The following CSMD1 variants were observed in gnomAD, a reference collection of about 807,000 sequenced individuals.
CSMD1 encodes the protein CUB and Sushi multiple domains 1.
CSMD1 carries 213 observed loss-of-function variants against 417.5 expected under a neutral mutation model. That is an observed-to-expected ratio of 0.51 (90% CI 0.46 to 0.57). The LOEUF (loss-of-function observed/expected upper bound fraction) is 0.57. Ranked by LOEUF, CSMD1 falls within the 20% of genes least tolerant of loss-of-function variation. The pLI, the probability that CSMD1 is intolerant of heterozygous loss-of-function variation, is 0.00. For missense variants in CSMD1, 6,923 were observed against 4,529.7 expected (o/e 1.53, Z -15.17); for synonymous variants, 2,862 against 1,736.8 (o/e 1.65, Z -16.11).
intron 7 of CSMD1, among the ~76,000 whole-genome samples, chr8:3,669,473 G>C (rs1798873874): frequency 6.6e-6 from 1 of 152,126 alleles, no homozygotes; most frequent in African/African-American, 2.4e-5. Flanking sequence ...TTCAACATCA[G>C]TAATTAGATA....
chr8:4,232,490 C>T (rs1004942667), intron 3 of CSMD1, among the ~76,000 whole-genome samples: 6 of 152,140 alleles, frequency 3.9e-5, no homozygotes, highest in African/African-American at 1.2e-4. Flanking sequence ...TGAGCAACTG[C>T]GCCCAGCCAC....
At chr8:4,086,722 C>G (rs1449491004) in intron 3 of CSMD1, among the ~76,000 whole-genome samples, 2 of 152,214 alleles carry the variant, frequency 1.3e-5, no homozygotes, top group Non-Finnish European at 2.9e-5. Flanking sequence ...AGATAGATGA[C>G]ATTGACAAGT....
intron 37 of CSMD1, among the ~76,000 whole-genome samples, chr8:3,180,863 T>C (rs928995287): frequency 6.6e-6 from 1 of 152,068 alleles, no homozygotes; most frequent in African/African-American, 2.4e-5. Flanking sequence ...AGCCTGGTCT[T>C]GAACACCTGA....
At chr8:3,002,863 T>C (rs1807534070) in intron 52 of CSMD1, among the ~76,000 whole-genome samples, 1 of 152,180 alleles carries the variant, frequency 6.6e-6, no homozygotes, top group Non-Finnish European at 1.5e-5. Context: ...TTCGGTTCTC[T>C]GAGGAATTGG....
intron 3 of CSMD1, among the ~76,000 whole-genome samples, chr8:4,093,397 T>C (rs987421507): frequency 6.6e-6 from 1 of 152,178 alleles, no homozygotes; most frequent in African/African-American, 2.4e-5. Flanking sequence ...GAAAGCCAAA[T>C]TGTTTAAAGC....
chr8:3,158,035 G>A, intron 38 of CSMD1, 69 bp from the exon 39 acceptor site: 5 of 1,207,714 alleles, frequency 4.1e-6, no homozygotes, highest in Non-Finnish European at 5.9e-6. Flanking sequence ...AAATGTTTGA[G>A]AATATCTGCA....
chr8:4,095,264 C>T (rs529682560), intron 3 of CSMD1, among the ~76,000 whole-genome samples: 312 of 152,190 alleles, frequency 2.1e-3, no homozygotes, highest in African/African-American at 7.3e-3. Context: ...GAGGTTCCTC[C>T]GAGGAGATTA....
chr8:3,522,935 A>G (rs1376930871), intron 10 of CSMD1, among the ~76,000 whole-genome samples: 1 of 150,654 alleles, frequency 6.6e-6, no homozygotes, highest in East Asian at 1.9e-4. Context: ...ATATATTTAT[A>G]TATTGACAAA....
intron 25 of CSMD1, among the ~76,000 whole-genome samples, chr8:3,291,472 G>GGT (rs918556361): frequency 6.6e-6 from 1 of 152,036 alleles, no homozygotes; most frequent in African/African-American, 2.4e-5. Flanking sequence ...TTTTTTGGTT[G>GGT]GTAAGCTATT....
chr8:4,924,551 G>A (rs923934458), intron 1 of CSMD1, among the ~76,000 whole-genome samples: 8 of 151,718 alleles, frequency 5.3e-5, no homozygotes, highest in Non-Finnish European at 7.4e-5. Context: ...GGCAAAACCC[G>A]TCTCTACTAA....
rs979643849 is a variant in CSMD1 at position 3,302,109 on chromosome 8, G to A, written c.3950+5586C>T. ...TGAAGACTAAAGTCTCCCGCCCCTT[G>A]GAGGGAGACAGTAACACAAATAGGG... On this transcript the variant is annotated intron_variant, in intron 25 of 69. Coordinates refer to ENST00000635120, the MANE Select transcript of CSMD1 (RefSeq NM_033225.6). Among the ~76,000 whole-genome samples the A allele has an allele frequency of 3.3e-5, 5 of 152,096 alleles. No individual in the cohort carries two copies. In the South Asian group the frequency reaches 1.0e-3, roughly 32 times the overall value.
At chr8:3,083,904 C>T (rs559404347) in intron 49 of CSMD1, among the ~76,000 whole-genome samples, 1 of 151,780 alleles carries the variant, frequency 6.6e-6, no homozygotes, top group East Asian at 2.0e-4. Flanking sequence ...AGCAATCCAC[C>T]CACCCACCTT....
intron 1 of CSMD1, chr8:4,787,898 T>C: frequency 3.2e-6 from 5 of 1,585,186 alleles, no homozygotes; most frequent in Admixed American, 1.7e-5. Flanking sequence ...GAATTTGGTG[T>C]TGATGTAACC....
At chr8:3,000,229 G>A (rs918597907) in intron 52 of CSMD1, 98 bp from the exon 53 acceptor site, 9 of 672,834 alleles carry the variant, frequency 1.3e-5, no homozygotes, top group African/African-American at 5.6e-5. Flanking sequence ...CAGTATTGAA[G>A]GCGCAACATA....
chr8:4,093,430 A>G (rs892233228), intron 3 of CSMD1, among the ~76,000 whole-genome samples: 3 of 152,190 alleles, frequency 2.0e-5, no homozygotes, highest in Non-Finnish European at 2.9e-5. Context: ...ACAATTTTTA[A>G]TGCACTCCCC....
intron 3 of CSMD1, among the ~76,000 whole-genome samples, chr8:4,153,366 G>A (rs1162531479): frequency 1.3e-5 from 2 of 152,088 alleles, no homozygotes; most frequent in African/African-American, 2.4e-5. Context: ...TCTACATTCT[G>A]GAAGCAACAG....
intron 25 of CSMD1, among the ~76,000 whole-genome samples, chr8:3,293,904 C>G (rs117513247): frequency 1.3e-5 from 2 of 152,088 alleles, no homozygotes; most frequent in East Asian, 1.9e-4. Flanking sequence ...GAGAGGTGTT[C>G]TGATTTTTAG....
intron 5 of CSMD1, among the ~76,000 whole-genome samples, chr8:3,936,443 G>C (rs191340037): frequency 4.6e-5 from 7 of 152,228 alleles, no homozygotes; most frequent in Non-Finnish European, 7.4e-5. Context: ...CTTCTTAGGG[G>C]CTAATGCAAC....
intron 1 of CSMD1, among the ~76,000 whole-genome samples, chr8:4,978,655 G>A (rs528592977): frequency 1.3e-5 from 2 of 152,196 alleles, no homozygotes; most frequent in Admixed American, 1.3e-4. Context: ...AAAAATATAT[G>A]GGCCAGACAC....
Sources: gnomAD v4.1 joint callset for allele counts (sites outside exome capture counted in the v4.1 genomes callset) on GRCh38, gnomAD v4.1.1 for gene constraint, MANE v1.5 for transcripts, NCBI Gene and HGNC (gene_info 2026-07-23, HGNC 2026-07-21) for gene names.